The following GARS1 variants were observed in gnomAD, a reference collection of about 807,000 sequenced individuals.
GARS1 encodes glycyl-tRNA synthetase 1.
In GARS1, 46 loss-of-function variants were observed where a neutral mutation model predicts 86.4. The ratio of observed to expected loss-of-function variants is 0.53; its 90% CI spans 0.42 to 0.68. The LOEUF is 0.68. Among genes scored for constraint, GARS1 ranks in the 30% least tolerant of loss-of-function variants. GARS1 has a pLI of 0.00. For missense variants in GARS1, 797 were observed against 915.6 expected (o/e 0.87, Z 1.67); for synonymous variants, 342 against 329.8 (o/e 1.04, Z -0.40).
chr7:30,629,283 A>T (rs978345375), intron 14 of GARS1, among the ~76,000 whole-genome samples: 2 of 152,202 alleles, frequency 1.3e-5, no homozygotes, highest in African/African-American at 4.8e-5. Context: ...CTTTCCTAGC[A>T]TTCAAGTATT....
In GARS1 at chr7:30,633,775, G is replaced by A; in HGVS notation, c.2135G>A (p.Gly712Asp). ...LPSIVQDLANGNITWADVEAR... is the reference protein window; with the variant it reads ...LPSIVQDLANDNITWADVEAR... ...AGCATAGTCCAAGACCTAGCCAATG[G>A]CAACATCACATGGGCTGATGTGGAG... The change falls in exon 17 of 17, where the codon GGC (glycine) becomes GAC (aspartate). Residue 712 changes from glycine to aspartate, a missense_variant. Gly to Asp is a moderately conservative substitution (Grantham distance 94). Coordinates refer to ENST00000389266, the MANE Select transcript of GARS1 (RefSeq NM_002047.4). 1 of 1,613,838 alleles carries A rather than the reference G, an allele frequency of 6.2e-7. No individual in the cohort carries two copies. Among genetic ancestry groups the A allele is most frequent in the South Asian group, 1.1e-5 (1 of 91,078 alleles).
chr7:30,624,572 A>C (rs1378627855), intron 12 of GARS1, among the ~76,000 whole-genome samples: 1 of 152,206 alleles, frequency 6.6e-6, no homozygotes, highest in African/African-American at 2.4e-5. Flanking sequence ...AACTATGATA[A>C]GTTAAAAAAT....
chr7:30,625,214 G>T (rs1276794069), intron 12 of GARS1, among the ~76,000 whole-genome samples: 1 of 152,154 alleles, frequency 6.6e-6, no homozygotes, highest in African/African-American at 2.4e-5. Flanking sequence ...AAAGTGCTGG[G>T]ATTACAGGTG....
rs1431616811 is a variant in GARS1 at position 30,601,132 on chromosome 7, G to A, written c.501G>A (p.Gln167=). The A allele has an allele frequency of 6.2e-7, 1 of 1,614,084 alleles. No homozygotes were observed. Among genetic ancestry groups the A allele is most frequent in the Middle Eastern group, 1.6e-4 (1 of 6,062 alleles). ...LKNNIIQTWR[Q]HFIQEEQILE... ...ACAATATTATTCAGACCTGGAGGCA[G>A]CACTTTATCCAAGAGGAACAGATCC... Residue 167 remains glutamine (Q), a synonymous_variant, in exon 4 of 17, where the codon CAG becomes CAA. Transcript: ENST00000389266.
In GARS1 at chr7:30,628,606, T is replaced by A. The variant is rs1783174238; in HGVS notation, c.1746T>A (p.Gly582=). 3 of 1,613,028 alleles carry A rather than the reference T, an allele frequency of 1.9e-6. No homozygotes were observed. Among genetic ancestry groups the A allele is most frequent in the Admixed American group, 1.7e-5 (1 of 59,996 alleles). The stretch of plus-strand genomic sequence containing the variant: ...TAATTGAACCTTCCTTCGGCCTGGG[T>A]AGGATCATGTATACGGTATTTGAAC... The part of the protein sequence containing the change: ...PNVIEPSFGL[G]RIMYTVFEHT... Residue 582 remains glycine (G), a synonymous_variant, in exon 14 of 17, where the codon GGT becomes GGA. Coordinates refer to ENST00000389266, the MANE Select transcript of GARS1 (RefSeq NM_002047.4).
intron 8 of GARS1, among the ~76,000 whole-genome samples, chr7:30,614,597 C>T (rs538839611): frequency 4.7e-4 from 72 of 152,278 alleles, no homozygotes; most frequent in African/African-American, 1.5e-3. Flanking sequence ...ACCTCTTGGC[C>T]GGGCGCAGTG....
intron 8 of GARS1, among the ~76,000 whole-genome samples, chr7:30,613,534 G>A (rs940951438): frequency 6.6e-6 from 1 of 152,212 alleles, no homozygotes; most frequent in African/African-American, 2.4e-5. Context: ...GAGTAGCTAT[G>A]GGAAGATTAT....
At chr7:30,626,082 G>A (rs1373759236) in intron 12 of GARS1, 152 bp from the exon 13 acceptor site, 3 of 606,796 alleles carry the variant, frequency 4.9e-6, no homozygotes, top group Non-Finnish European at 9.0e-6. Flanking sequence ...TGTTTCTTAT[G>A]AAATAATTTA....
chr7:30,603,587 G>T lies in GARS1; in HGVS notation c.735+15G>T, dbSNP rs1268620601. On this transcript the variant is annotated intron_variant, in intron 6 of 16. Coordinates refer to ENST00000389266, the MANE Select transcript of GARS1 (RefSeq NM_002047.4). Reference sequence around the variant, plus strand: ...TTTTGGCCCAGGTGAGTACTCTAGAGATGTTATCAGAGTAACCTAGGTGGT... The same window carrying T: ...TTTTGGCCCAGGTGAGTACTCTAGATATGTTATCAGAGTAACCTAGGTGGT... 24 of 1,579,038 alleles carry T rather than the reference G, an allele frequency of 1.5e-5. No individual in the cohort carries two copies. Among genetic ancestry groups the T allele is most frequent in the Non-Finnish European group, 2.0e-5 (23 of 1,148,964 alleles).
intron 12 of GARS1, among the ~76,000 whole-genome samples, chr7:30,624,034 G>A (rs1783073455): frequency 6.6e-6 from 1 of 152,206 alleles, no homozygotes; most frequent in Non-Finnish European, 1.5e-5. Context: ...CAGGCTGCAT[G>A]TGGCCCAGGA....
intron 1 of GARS1, among the ~76,000 whole-genome samples, chr7:30,596,662 T>G (rs967330444): frequency 6.6e-6 from 1 of 152,240 alleles, no homozygotes; most frequent in African/African-American, 2.4e-5. Flanking sequence ...TTGTCTTGAT[T>G]ATTGTTTTGT....
chr7:30,622,045 T>C (rs113192993), intron 11 of GARS1: 3 of 466,652 alleles, frequency 6.4e-6, no homozygotes, highest in African/African-American at 3.9e-5. Context: ...GAAGTTCTTA[T>C]GCTATGGGTT....
Position 30,609,553 on chromosome 7 carries a change from CTT to C in GARS1, c.736-29_736-28del, listed in dbSNP as rs1327740807. On this transcript the variant is annotated intron_variant, in intron 6 of 16. Transcript: ENST00000389266. The stretch of plus-strand genomic sequence containing the variant: ...ATATCTTATGCCTTGTTTTCTCTGT[CTT>C]TTACACTAATTTCTTTATATGTCTT... 3 of 1,594,540 alleles carry C rather than the reference CTT, an allele frequency of 1.9e-6. No homozygotes were observed. The South Asian group carries it at 3.3e-5, about 18-fold the overall frequency.
chr7:30,629,580 A>G (rs1051415303), intron 14 of GARS1, among the ~76,000 whole-genome samples: 9 of 152,362 alleles, frequency 5.9e-5, no homozygotes, highest in African/African-American at 1.9e-4. Context: ...AATGTTAGAC[A>G]TCAACCGTGT....
At chr7:30,620,464 G>T (rs1416064849) in intron 10 of GARS1, among the ~76,000 whole-genome samples, 1 of 152,064 alleles carries the variant, frequency 6.6e-6, no homozygotes, top group African/African-American at 2.4e-5. Flanking sequence ...AGTGATTAGG[G>T]CTCCATCCTC....
chr7:30,598,369 G>T (rs989438430), intron 1 of GARS1, among the ~76,000 whole-genome samples: 2 of 144,412 alleles, frequency 1.4e-5, no homozygotes, highest in African/African-American at 2.6e-5. Flanking sequence ...CATTTGAATT[G>T]CATCATTCTT....
At chr7:30,629,437 A>G (rs563260285) in intron 14 of GARS1, among the ~76,000 whole-genome samples, 342 of 152,308 alleles carry the variant, frequency 2.2e-3, no homozygotes, top group Non-Finnish European at 4.1e-3. Context: ...CTCTGCCTGC[A>G]GAAGTTACAC....
intron 6 of GARS1, among the ~76,000 whole-genome samples, chr7:30,606,526 G>C (rs1379172797): frequency 6.6e-6 from 1 of 151,974 alleles, no homozygotes; most frequent in East Asian, 1.9e-4. Flanking sequence ...TCCTCCTACT[G>C]TTGTGAACTT....
intron 13 of GARS1, 155 bp from the exon 14 acceptor site, chr7:30,628,405 G>A (rs1475201704): frequency 2.5e-5 from 14 of 564,880 alleles, no homozygotes; most frequent in South Asian, 6.1e-5. Context: ...GGCTGGTCTC[G>A]AACTCCTGAC....
Sources: gnomAD v4.1 joint callset for allele counts (sites outside exome capture counted in the v4.1 genomes callset) on GRCh38, gnomAD v4.1.1 for gene constraint, MANE v1.5 for transcripts, NCBI Gene and HGNC (gene_info 2026-07-23, HGNC 2026-07-21) for gene names.